Variants in MCTP1 observed in about 807,000 individuals in gnomAD.
The protein encoded by MCTP1 is multiple C2 and transmembrane domain-containing protein 1.
MCTP1 carries 69 observed loss-of-function variants against 120.6 expected under a neutral mutation model. The observed-to-expected ratio is 0.57, with a 90% confidence interval of 0.47 to 0.70. MCTP1 has a LOEUF of 0.70. Ranked by LOEUF, MCTP1 falls within the 30% of genes least tolerant of loss-of-function variation. The pLI, the probability that MCTP1 is intolerant of heterozygous loss-of-function variation, is 0.00. For missense variants in MCTP1, 1,203 were observed against 1,248.8 expected (o/e 0.96, Z 0.55); for synonymous variants, 529 against 493.1 (o/e 1.07, Z -0.96).
At chr5:94,728,717 T>C (rs751983005) in intron 19 of MCTP1, among the ~76,000 whole-genome samples, 16 of 152,214 alleles carry the variant, frequency 1.1e-4, no homozygotes, top group African/African-American at 1.7e-4. Context: ...ACTGTCTTTC[T>C]TCCCAAACGG....
Position 94,708,599 on chromosome 5 carries a change from TTTA to T in MCTP1, c.2838_2840del (p.Asn946del). On this transcript the variant is annotated inframe_deletion, in exon 22 of 23. Coordinates refer to ENST00000515393, the MANE Select transcript of MCTP1 (RefSeq NM_024717.7). Reference sequence around the variant, plus strand: ...ATGGACTCCGAAGCTTTTTTGTAAATTTATTGATGCCTGAAACAAAGTTGGAGT... The same window carrying T: ...ATGGACTCCGAAGCTTTTTTGTAAATTTGATGCCTGAAACAAAGTTGGAGT... 6.2e-7 allele frequency: 1 copy of T among 1,604,182 alleles called. No individual in the cohort carries two copies. The highest frequency in any genetic ancestry group is 8.5e-7 in the Non-Finnish European group (1 of 1,171,856).
chr5:95,033,961 C>T (rs191743473), intron 1 of MCTP1, among the ~76,000 whole-genome samples: 1 of 151,958 alleles, frequency 6.6e-6, no homozygotes, highest in East Asian at 1.9e-4. Context: ...GAACTCAATC[C>T]CATTTACAAT....
chr5:94,986,791 G>T (rs1026787509), intron 2 of MCTP1, among the ~76,000 whole-genome samples: 1 of 152,096 alleles, frequency 6.6e-6, no homozygotes, highest in African/African-American at 2.4e-5. Context: ...GATTACAGGT[G>T]TGAGCCACCG....
At chr5:95,275,520 T>A (rs1307574224) in intron 1 of MCTP1, among the ~76,000 whole-genome samples, 1 of 152,224 alleles carries the variant, frequency 6.6e-6, no homozygotes, top group African/African-American at 2.4e-5. Flanking sequence ...ATCAGTGTTA[T>A]CCAATAAAAA....
chr5:94,752,108 A>T (rs1002864988), intron 19 of MCTP1, among the ~76,000 whole-genome samples: 11 of 75,802 alleles, frequency 1.5e-4, no homozygotes, highest in Admixed American at 6.2e-4. Context: ...TAAATAATAA[A>T]ATATATATAT....
At chr5:94,955,054 C>G (rs913117664) in intron 2 of MCTP1, among the ~76,000 whole-genome samples, 1 of 152,188 alleles carries the variant, frequency 6.6e-6, no homozygotes, top group African/African-American at 2.4e-5. Flanking sequence ...GCATTTCCAA[C>G]TGAGGTACCT....
intron 19 of MCTP1, among the ~76,000 whole-genome samples, chr5:94,764,843 A>AAAAAAAAAAAAC: frequency 6.6e-6 from 1 of 151,716 alleles, no homozygotes. Flanking sequence ...AAAAAAAAAA[A>AAAAAAAAAAAAC]AAAAAAAAAT....
intron 10 of MCTP1, among the ~76,000 whole-genome samples, chr5:94,908,177 T>C (rs1267206228): frequency 1.3e-5 from 2 of 151,958 alleles, no homozygotes; most frequent in Non-Finnish European, 2.9e-5. Context: ...CTGAAAATAG[T>C]GTTTTAATTA....
intron 10 of MCTP1, 120 bp downstream of exon 10, chr5:94,909,131 C>A (rs1369734811): frequency 8.2e-7 from 1 of 1,217,738 alleles, no homozygotes; most frequent in African/African-American, 1.6e-5. Context: ...CATTGCCTTA[C>A]CATGGTAAAG....
intron 1 of MCTP1, among the ~76,000 whole-genome samples, chr5:95,063,258 C>T (rs913565798): frequency 1.8e-4 from 27 of 152,132 alleles, no homozygotes; most frequent in African/African-American, 6.0e-4. Context: ...GTGACTGTGC[C>T]GGGGAAAGCC....
intron 10 of MCTP1, among the ~76,000 whole-genome samples, chr5:94,903,217 T>C (rs1208275132): frequency 6.6e-6 from 1 of 152,208 alleles, no homozygotes. Flanking sequence ...TGACTAGCTG[T>C]CCTTGTGCTT....
chr5:94,962,767 C>T (rs1824595935), intron 2 of MCTP1, among the ~76,000 whole-genome samples: 1 of 152,030 alleles, frequency 6.6e-6, no homozygotes, highest in African/African-American at 2.4e-5. Flanking sequence ...ACATTGGGTA[C>T]AGTGTACACT....
chr5:95,221,208 A>C (rs1753656545), intron 1 of MCTP1, among the ~76,000 whole-genome samples: 1 of 152,240 alleles, frequency 6.6e-6, no homozygotes, highest in African/African-American at 2.4e-5. Flanking sequence ...TAATACTTAC[A>C]ATAAACAGTA....
intron 1 of MCTP1, among the ~76,000 whole-genome samples, chr5:95,171,680 C>A (rs1056899035): frequency 3.9e-5 from 6 of 152,140 alleles, no homozygotes; most frequent in Non-Finnish European, 4.4e-5. Context: ...TCGCTGGTAC[C>A]CTTTCTTCCA....
At chr5:95,102,695 ATTACAG>A (rs143156049) in intron 1 of MCTP1, among the ~76,000 whole-genome samples, 4,070 of 152,308 alleles carry the variant, frequency 0.027, 150 homozygotes, top group African/African-American at 0.09. Context: ...ACAATCCATG[ATTACAG>A]TATGTTCAGA....
chr5:95,197,298 C>T (rs1750502267), intron 1 of MCTP1, among the ~76,000 whole-genome samples: 1 of 152,172 alleles, frequency 6.6e-6, no homozygotes. Flanking sequence ...ATTAATTTAG[C>T]AGTTTAGAAG....
intron 1 of MCTP1, among the ~76,000 whole-genome samples, chr5:95,032,528 T>A (rs1020475948): frequency 2.6e-5 from 4 of 151,964 alleles, no homozygotes; most frequent in Non-Finnish European, 5.9e-5. Context: ...ATAAAAAAAA[T>A]TTTTGACACA....
intron 1 of MCTP1, among the ~76,000 whole-genome samples, chr5:95,226,287 ATAGAG>A (rs1242203245): frequency 6.6e-6 from 1 of 152,198 alleles, no homozygotes; most frequent in Non-Finnish European, 1.5e-5. Context: ...ATATATTTAA[ATAGAG>A]TATTGTGGCT....
intron 1 of MCTP1, among the ~76,000 whole-genome samples, chr5:95,047,388 T>C (rs1413123395): frequency 4.6e-5 from 7 of 152,120 alleles, no homozygotes; most frequent in African/African-American, 9.7e-5. Flanking sequence ...AATTTATTCT[T>C]TGAAAGTCAA....
Sources: allele counts gnomAD v4.1 joint callset (sites outside exome capture counted in the v4.1 genomes callset), GRCh38; gene constraint gnomAD v4.1.1; transcripts MANE v1.5; gene names NCBI Gene and HGNC (gene_info 2026-07-23, HGNC 2026-07-21).